Variants in FREM1 observed in about 807,000 individuals in gnomAD.
FREM1 encodes FRAS1 related extracellular matrix 1, also known as FRAS1-related extracellular matrix protein 1.
Under a neutral mutation model 210.1 loss-of-function variants are expected in FREM1, and 220 were observed. The observed-to-expected ratio is 1.05, with a 90% CI of 0.94 to 1.17. FREM1 has a LOEUF of 1.17. Among genes scored for constraint, FREM1 ranks in the 50% most tolerant of loss-of-function variants. FREM1 has a pLI of 0.00. For missense variants in FREM1, 3,454 were observed against 2,675.5 expected (o/e 1.29, Z -6.42); for synonymous variants, 1,189 against 980.2 (o/e 1.21, Z -3.98).
intron 4 of FREM1, among the ~76,000 whole-genome samples, chr9:14,858,505 CTTT>C (rs35912803): frequency 2.9e-5 from 4 of 138,396 alleles, no homozygotes; most frequent in Non-Finnish European, 4.7e-5. Context: ...CAGCCACCCA[CTTT>C]TTTTTTTTTT....
chr9:14,749,211 T>C (rs1842941703), intron 30 of FREM1, among the ~76,000 whole-genome samples: 1 of 152,194 alleles, frequency 6.6e-6, no homozygotes, highest in South Asian at 2.1e-4. Flanking sequence ...CTTGTCTGGG[T>C]ATTTTATATT....
chr9:14,816,095 A>C (rs1163478589), intron 15 of FREM1, among the ~76,000 whole-genome samples: 1 of 152,226 alleles, frequency 6.6e-6, no homozygotes, highest in Non-Finnish European at 1.5e-5. Flanking sequence ...GGAAAACCCC[A>C]GTGATACTAG....
chr9:14,762,931 T>C (rs1563861351), intron 27 of FREM1, among the ~76,000 whole-genome samples: 2 of 152,096 alleles, frequency 1.3e-5, no homozygotes, highest in South Asian at 2.1e-4. Context: ...ATCATGTAAA[T>C]GTCCAGATCC....
At chr9:14,742,131 C>T (rs778792348) in intron 35 of FREM1, among the ~76,000 whole-genome samples, 8 of 152,090 alleles carry the variant, frequency 5.3e-5, no homozygotes, top group Non-Finnish European at 1.2e-4. Context: ...TGGGTATTAT[C>T]TGTATAGGTG....
intron 5 of FREM1, among the ~76,000 whole-genome samples, chr9:14,854,230 A>G (rs974831621): frequency 5.3e-5 from 8 of 152,202 alleles, no homozygotes; most frequent in Admixed American, 1.3e-4. Context: ...AGAAAACATC[A>G]TTTATTTTGC....
At chr9:14,888,701 C>T (rs1836246845) in intron 1 of FREM1, among the ~76,000 whole-genome samples, 1 of 152,174 alleles carries the variant, frequency 6.6e-6, no homozygotes, top group Non-Finnish European at 1.5e-5. Context: ...TGTGTTGACT[C>T]TGTCTATAAC....
intron 29 of FREM1, among the ~76,000 whole-genome samples, 180 bp downstream of exon 29, chr9:14,756,194 A>T (rs1844316104): frequency 1.3e-5 from 2 of 152,150 alleles, no homozygotes; most frequent in South Asian, 4.1e-4. Flanking sequence ...CTAAAAAAAA[A>T]TAAGGGCAAA....
At chr9:14,855,953 A>C (rs991740360) in intron 5 of FREM1, among the ~76,000 whole-genome samples, 3 of 152,172 alleles carry the variant, frequency 2.0e-5, no homozygotes, top group Non-Finnish European at 2.9e-5. Flanking sequence ...AACATCTATT[A>C]GTTGTCTATA....
intron 27 of FREM1, among the ~76,000 whole-genome samples, chr9:14,768,288 G>C (rs1257672091): frequency 1.4e-5 from 2 of 146,024 alleles, no homozygotes; most frequent in South Asian, 4.3e-4. Context: ...AAAAAAAAGT[G>C]AAGTCCACGT....
At chr9:14,887,212 C>T (rs1486519121) in intron 1 of FREM1, among the ~76,000 whole-genome samples, 1 of 152,150 alleles carries the variant, frequency 6.6e-6, no homozygotes, top group Non-Finnish European at 1.5e-5. Flanking sequence ...GAAATCAAGA[C>T]TTAGATAGTC....
intron 1 of FREM1, among the ~76,000 whole-genome samples, chr9:14,894,900 T>C (rs1002892440): frequency 6.6e-6 from 1 of 152,228 alleles, no homozygotes; most frequent in Admixed American, 6.5e-5. Flanking sequence ...AGGCTTTGAC[T>C]GGAATGGTGC....
intron 23 of FREM1, among the ~76,000 whole-genome samples, chr9:14,785,968 T>G (rs910154582): frequency 2.0e-5 from 3 of 152,138 alleles, no homozygotes; most frequent in African/African-American, 7.2e-5. Context: ...AAGGTAGAAG[T>G]GGGTCACACA....
intron 1 of FREM1, among the ~76,000 whole-genome samples, chr9:14,894,460 T>C (rs1407366854): frequency 6.6e-6 from 1 of 152,222 alleles, no homozygotes; most frequent in Non-Finnish European, 1.5e-5. Context: ...TGTTCTTAAA[T>C]GCAGGTTTCT....
upstream of FREM1, among the ~76,000 whole-genome samples, chr9:14,910,587 A>G (rs950967557): frequency 1.1e-4 from 16 of 152,072 alleles, no homozygotes; most frequent in Non-Finnish European, 1.6e-4. Flanking sequence ...ACACATACAA[A>G]CACGATAGAC....
chr9:14,879,667 C>A (rs1265115150), intron 1 of FREM1, among the ~76,000 whole-genome samples: 2 of 152,118 alleles, frequency 1.3e-5, no homozygotes, highest in Admixed American at 1.3e-4. Flanking sequence ...AGAGATAAAT[C>A]ATTCAATTTG....
intron 13 of FREM1, among the ~76,000 whole-genome samples, chr9:14,822,838 A>G (rs979844109): frequency 1.3e-5 from 2 of 152,032 alleles, no homozygotes; most frequent in Non-Finnish European, 2.9e-5. Flanking sequence ...TGGCTAAGAG[A>G]CCCATAATTT....
At chr9:14,815,196 G>T (rs931809319) in intron 15 of FREM1, among the ~76,000 whole-genome samples, 7 of 152,146 alleles carry the variant, frequency 4.6e-5, no homozygotes, top group African/African-American at 1.7e-4. Context: ...TAGAAGTGTG[G>T]CAGGGTGAGG....
At chr9:14,784,759 T>C in intron 23 of FREM1, 125 bp from the exon 24 acceptor site, 3 of 558,256 alleles carry the variant, frequency 5.4e-6, no homozygotes, top group Non-Finnish European at 8.5e-6. Context: ...GAAAGGTTTA[T>C]ATAACTATTA....
chr9:14,859,563 A>G, intron 3 of FREM1, 79 bp from the exon 4 acceptor site: 1 of 1,256,768 alleles, frequency 8.0e-7, no homozygotes, highest in South Asian at 1.6e-5. Context: ...CTGGAAGACT[A>G]AAGATTGGCC....
Sources: gnomAD v4.1 joint callset for allele counts (sites outside exome capture counted in the v4.1 genomes callset) on GRCh38, gnomAD v4.1.1 for gene constraint, MANE v1.5 for transcripts, NCBI Gene and HGNC (gene_info 2026-07-23, HGNC 2026-07-21) for gene names.